The following SFRP1 variants were observed in gnomAD, a reference collection of about 807,000 sequenced individuals.
The protein encoded by SFRP1 is secreted frizzled related protein 1, also known as secreted frizzled-related protein 1.
SFRP1 carries 9 observed loss-of-function variants against 25.9 expected under a neutral mutation model. The ratio of observed to expected loss-of-function variants is 0.35; its 90% confidence interval spans 0.21 to 0.61. SFRP1 has a LOEUF of 0.61. Ranked by LOEUF, SFRP1 falls within the 20% of genes least tolerant of loss-of-function variation. SFRP1 has a pLI of 0.78. For missense variants in SFRP1, 346 were observed against 418.2 expected, an observed-to-expected ratio of 0.83 and a Z score of 1.51; for synonymous variants, 178 against 174.0, an observed-to-expected ratio of 1.02 and a Z score of -0.18.
intron 2 of SFRP1, among the ~76,000 whole-genome samples, chr8:41,291,627 A>G (rs1164550422): frequency 6.6e-6 from 1 of 152,112 alleles, no homozygotes; most frequent in Non-Finnish European, 1.5e-5. Flanking sequence ...GCATCTCTGC[A>G]TCCCCTGACC....
chr8:41,307,000 C>A, intron 1 of SFRP1: 1 of 1,452,968 alleles, frequency 6.9e-7, no homozygotes, highest in Non-Finnish European at 9.0e-7. Flanking sequence ...TGCAGACGGT[C>A]CCAGAAAGAG....
chr8:41,299,250 T>C (rs1195236869), intron 2 of SFRP1, among the ~76,000 whole-genome samples: 1 of 152,026 alleles, frequency 6.6e-6, no homozygotes, highest in Non-Finnish European at 1.5e-5. Flanking sequence ...TTTGTACAGA[T>C]CTGTGGATAG....
chr8:41,305,458 C>A (rs564155985), intron 1 of SFRP1, among the ~76,000 whole-genome samples: 1 of 152,182 alleles, frequency 6.6e-6, no homozygotes, highest in South Asian at 2.1e-4. Flanking sequence ...GTTTTTACCA[C>A]GGCTTTCCCC....
chr8:41,299,069 C>G (rs1007292245), intron 2 of SFRP1, among the ~76,000 whole-genome samples: 1 of 152,088 alleles, frequency 6.6e-6, no homozygotes, highest in Non-Finnish European at 1.5e-5. Flanking sequence ...AACACTGGCT[C>G]GGCCTCCATC....
intron 2 of SFRP1, among the ~76,000 whole-genome samples, chr8:41,267,160 C>T (rs975702671): frequency 2.6e-5 from 4 of 152,192 alleles, no homozygotes; most frequent in African/African-American, 9.6e-5. Context: ...TCTTCAAATC[C>T]AATATGGTAC....
chr8:41,294,337 C>T (rs748471937), intron 2 of SFRP1, among the ~76,000 whole-genome samples: 4 of 151,994 alleles, frequency 2.6e-5, no homozygotes, highest in East Asian at 3.9e-4. Flanking sequence ...CGGAAGACAC[C>T]GACGTGGAAA....
chr8:41,306,103 C>T (rs191686219), intron 1 of SFRP1, among the ~76,000 whole-genome samples: 3 of 152,334 alleles, frequency 2.0e-5, no homozygotes, highest in African/African-American at 7.2e-5. Context: ...AAAATGACTT[C>T]CCTAGAAAAA....
At chr8:41,291,203 C>T (rs1273798125) in intron 2 of SFRP1, among the ~76,000 whole-genome samples, 4 of 151,882 alleles carry the variant, frequency 2.6e-5, no homozygotes, top group Admixed American at 6.6e-5. Flanking sequence ...TCACCACGCC[C>T]GGCCTTTTTT....
rs761465184 is a variant in SFRP1 at position 41,265,267 on chromosome 8, G to A, written c.845C>T (p.Thr282Met). 2.0e-5 allele frequency: 32 copies of A among 1,613,988 alleles called. No homozygotes were observed. The highest frequency in any genetic ancestry group is 1.6e-4 in the Middle Eastern group (1 of 6,084). ...TTTCTTGTCCCACTTGTGGATGGCC[G>A]TCAGCAAGTACTGGCTCTTCACCTT... is the stretch of plus-strand genomic sequence containing the variant. ...GRKVKSQYLL[T>M]AIHKWDKKNK... The change falls in exon 3 of 3, where the codon ACG becomes ATG. Residue 282 changes from threonine to methionine, a missense_variant. Transcript: ENST00000220772.
rs1482380716 is a variant in SFRP1 at position 41,306,893 on chromosome 8, C to T, written c.544+1723G>A. 2.5e-6 allele frequency: 4 copies of T among 1,590,370 alleles called. No individual in the cohort carries two copies. The African/African-American group carries it at 5.3e-5, about 21-fold the overall frequency. ...TGGGGGCTGGGGTGAGGGATTCTTT[C>T]CTCTCTTCTTCAGGCAACCCGTCCA... is the stretch of plus-strand genomic sequence containing the variant. On this transcript the variant is annotated intron_variant, in intron 1 of 2. Coordinates refer to ENST00000220772, the MANE Select transcript of SFRP1 (RefSeq NM_003012.5).
At chr8:41,307,078 G>T in intron 1 of SFRP1, 1 of 1,320,086 alleles carries the variant, frequency 7.6e-7, no homozygotes, top group Non-Finnish European at 9.9e-7. Flanking sequence ...GCAGGGCTGG[G>T]CTAATCCCCG....
intron 2 of SFRP1, among the ~76,000 whole-genome samples, chr8:41,270,731 G>A (rs1398879071): frequency 6.6e-6 from 1 of 151,424 alleles, no homozygotes; most frequent in Non-Finnish European, 1.5e-5. Context: ...CTGGAGGTAG[G>A]AGAATCGCTT....
At chr8:41,272,449 A>C (rs1803521712) in intron 2 of SFRP1, among the ~76,000 whole-genome samples, 1 of 152,154 alleles carries the variant, frequency 6.6e-6, no homozygotes, top group African/African-American at 2.4e-5. Context: ...GTCTCTACTG[A>C]AAATACAAAA....
intron 2 of SFRP1, among the ~76,000 whole-genome samples, chr8:41,300,725 G>C (rs549598700): frequency 1.3e-5 from 2 of 152,328 alleles, no homozygotes; most frequent in East Asian, 3.9e-4. Context: ...TAAGAGGCGA[G>C]AGTGGCACCC....
Position 41,309,251 on chromosome 8 carries a change from G to A in SFRP1, c.-92C>T, listed in dbSNP as rs1804040989. The A allele has an allele frequency of 4.1e-6, 5 of 1,232,200 alleles. No homozygotes were observed. The highest frequency in any genetic ancestry group is 3.2e-5 in the African/African-American group (2 of 63,318). The allele number at this position is 1,232,200 out of a possible 1,614,324, so 76.3% of individuals were successfully genotyped here. A position where few individuals can be genotyped will look rare whatever the true frequency, so the allele number is the denominator to read the frequency against. Reference sequence around the variant, plus strand: ...CCGCAAACTTCCAGGGACCTCCGGGGACAAAAGGCGCAGTCCCCAGCGTTG... The same window carrying A: ...CCGCAAACTTCCAGGGACCTCCGGGAACAAAAGGCGCAGTCCCCAGCGTTG... On this transcript the variant is annotated 5_prime_UTR_variant, in exon 1 of 3. Transcript: ENST00000220772.
At chr8:41,270,380 A>G (rs1233871235) in intron 2 of SFRP1, among the ~76,000 whole-genome samples, 2 of 152,220 alleles carry the variant, frequency 1.3e-5, no homozygotes, top group Non-Finnish European at 2.9e-5. Context: ...AAGCAAATGG[A>G]TGGTAGAATC....
At chr8:41,266,528 C>T (rs999120747) in intron 2 of SFRP1, among the ~76,000 whole-genome samples, 5 of 151,894 alleles carry the variant, frequency 3.3e-5, no homozygotes, top group Non-Finnish European at 5.9e-5. Context: ...CTCAAACTCC[C>T]GGGCTCAAGC....
intron 2 of SFRP1, among the ~76,000 whole-genome samples, chr8:41,283,821 C>G (rs563932511): frequency 6.6e-6 from 1 of 152,232 alleles, no homozygotes; most frequent in Non-Finnish European, 1.5e-5. Flanking sequence ...CCTTGGCCTC[C>G]CAAAGTGCTG....
In SFRP1 at chr8:41,265,138, G is replaced by GGGCC; in HGVS notation, c.*28_*29insGGCC. On this transcript the variant is annotated 3_prime_UTR_variant, in exon 3 of 3. Coordinates refer to ENST00000220772, the MANE Select transcript of SFRP1 (RefSeq NM_003012.5). ...CCCCCCCGCTCCCACCCCACCCGAG[G>GGGCC]CTCCCTCCCCACCCTGCCCCCGGGA... The GGGCC allele has an allele frequency of 1.2e-5, 6 of 508,950 alleles. No individual in the cohort carries two copies. The highest frequency in any genetic ancestry group is 4.0e-5 in the South Asian group (2 of 50,516). The allele number at this position is 508,950 out of a possible 1,614,324, so 31.5% of individuals were successfully genotyped here.
Sources: allele counts gnomAD v4.1 joint callset (sites outside exome capture counted in the v4.1 genomes callset), GRCh38; gene constraint gnomAD v4.1.1; transcripts MANE v1.5; gene names NCBI Gene and HGNC (gene_info 2026-07-23, HGNC 2026-07-21).